Variants in TMEM108 observed in about 807,000 individuals in gnomAD.
TMEM108 encodes cancer/testis antigen 124.
Under a neutral mutation model 35.1 loss-of-function variants are expected in TMEM108, and 12 were observed. That is an observed-to-expected ratio of 0.34 (90% CI 0.22 to 0.55). The LOEUF (loss-of-function observed/expected upper bound fraction) is 0.55. Among genes scored for constraint, TMEM108 ranks in the 20% least tolerant of loss-of-function variants. TMEM108 has a pLI of 0.89. For synonymous variants in TMEM108, 287 were observed against 308.6 expected (o/e 0.93, Z 0.73); for missense variants, 680 against 753.3 (o/e 0.90, Z 1.14).
At chr3:133,232,711 C>CT (rs1946171471) in intron 3 of TMEM108, among the ~76,000 whole-genome samples, 1 of 152,198 alleles carries the variant, frequency 6.6e-6, no homozygotes, top group Admixed American at 6.5e-5. Context: ...TAATTGTTTA[C>CT]TTTTGTTACA....
At chr3:133,201,947 C>T (rs1945672810) in intron 2 of TMEM108, among the ~76,000 whole-genome samples, 1 of 152,192 alleles carries the variant, frequency 6.6e-6, no homozygotes, top group Non-Finnish European at 1.5e-5. Context: ...TTTTCCACGT[C>T]CTCTCCAGCA....
At chr3:133,388,443 C>T in intron 4 of TMEM108, 1 of 985,430 alleles carries the variant, frequency 1.0e-6, no homozygotes, top group Non-Finnish European at 1.2e-6. Context: ...CCCTCCTTGC[C>T]CCTTTCCTCT....
At chr3:133,339,950 C>A in intron 3 of TMEM108, among the ~76,000 whole-genome samples, 1 of 151,460 alleles carries the variant, frequency 6.6e-6, no homozygotes, top group East Asian at 1.9e-4. Context: ...ACAGTGAAAG[C>A]AGTACTAAGA....
At chr3:133,247,532 C>T (rs1476575210) in intron 3 of TMEM108, 2 of 151,978 alleles carry the variant, frequency 1.3e-5, no homozygotes, top group African/African-American at 4.8e-5. Context: ...GGAGCTTCCC[C>T]TCTTTCATTA....
chr3:133,214,394 A>G (rs1945876505), intron 2 of TMEM108, among the ~76,000 whole-genome samples: 2 of 152,098 alleles, frequency 1.3e-5, no homozygotes, highest in African/African-American at 2.4e-5. Context: ...CCCCGCCCCC[A>G]CTGCAAGGAA....
At chr3:133,186,131 A>G (rs1202982751) in intron 2 of TMEM108, among the ~76,000 whole-genome samples, 1 of 152,176 alleles carries the variant, frequency 6.6e-6, no homozygotes, top group African/African-American at 2.4e-5. Flanking sequence ...CGTTATTTCC[A>G]GGCTGGGTGA....
intron 3 of TMEM108, among the ~76,000 whole-genome samples, chr3:133,352,226 T>A (rs2072024608): frequency 6.6e-6 from 1 of 151,944 alleles, no homozygotes; most frequent in Non-Finnish European, 1.5e-5. Context: ...TGATAGGGAG[T>A]CATAATTCTG....
In TMEM108 at chr3:133,038,393, T is replaced by G. The variant is rs1040620190; in HGVS notation, c.-208T>G. 2 of 152,302 alleles carry G rather than the reference T, an allele frequency of 1.3e-5. No homozygotes were observed. Among genetic ancestry groups the G allele is most frequent in the East Asian group, 3.9e-4 (2 of 5,144 alleles). The allele number at this position is 152,302 out of a possible 1,614,324, so 9.4% of individuals were successfully genotyped here. A position where few individuals can be genotyped will look rare whatever the true frequency, so the allele number is the denominator to read the frequency against. On this transcript the variant is annotated 5_prime_UTR_variant, in exon 1 of 6. Coordinates refer to ENST00000321871, the MANE Select transcript of TMEM108 (RefSeq NM_023943.4). ...AGAGCGCGTGCGCGAGCGGTGGGGC[T>G]TTCTCCTGAGCCGTCGGAGGGAGCC... is the stretch of plus-strand genomic sequence containing the variant.
chr3:133,128,763 C>G (rs1250794068), intron 2 of TMEM108, among the ~76,000 whole-genome samples: 1 of 152,186 alleles, frequency 6.6e-6, no homozygotes, highest in Middle Eastern at 3.2e-3. Context: ...TTCCTAAGAT[C>G]CCACAGCAAG....
chr3:133,265,278 G>A (rs958647762), intron 3 of TMEM108, among the ~76,000 whole-genome samples: 1 of 152,078 alleles, frequency 6.6e-6, no homozygotes, highest in Non-Finnish European at 1.5e-5. Flanking sequence ...CTAACATTTT[G>A]TATGTCTTTG....
chr3:133,298,961 A>G (rs1367561032), intron 3 of TMEM108, among the ~76,000 whole-genome samples: 1 of 152,212 alleles, frequency 6.6e-6, no homozygotes, highest in Non-Finnish European at 1.5e-5. Flanking sequence ...TGCCTGCCAC[A>G]CTTGCTGTTT....
chr3:133,167,866 C>G (rs1197847025), intron 2 of TMEM108, among the ~76,000 whole-genome samples: 1 of 152,156 alleles, frequency 6.6e-6, no homozygotes. Context: ...CTGGGCTCCT[C>G]AAGTGTGGCC....
intron 4 of TMEM108, chr3:133,389,811 C>T (rs781348494): frequency 1.1e-5 from 2 of 176,986 alleles, no homozygotes; most frequent in East Asian, 1.6e-4. Flanking sequence ...GGGATCCTAA[C>T]AGTACTGACT....
chr3:133,366,270 A>G (rs16840271), intron 3 of TMEM108, among the ~76,000 whole-genome samples: 47,897 of 152,150 alleles, frequency 0.31, 8,081 homozygotes, highest in East Asian at 0.47. Flanking sequence ...ACCAGTATGC[A>G]TCTTATTGCC....
At chr3:133,170,653 C>T (rs1272067289) in intron 2 of TMEM108, among the ~76,000 whole-genome samples, 1 of 151,288 alleles carries the variant, frequency 6.6e-6, no homozygotes, top group Non-Finnish European at 1.5e-5. Flanking sequence ...AAGGAATGGT[C>T]AAAATATTAA....
chr3:133,392,454 C>T (rs762692592), intron 5 of TMEM108, among the ~76,000 whole-genome samples: 1 of 152,138 alleles, frequency 6.6e-6, no homozygotes, highest in African/African-American at 2.4e-5. Context: ...TGAGCCACTG[C>T]CCCCAGTCAC....
At chr3:133,040,209 T>TC (rs200538644) in intron 1 of TMEM108, among the ~76,000 whole-genome samples, 1 of 144,868 alleles carries the variant, frequency 6.9e-6, no homozygotes, top group African/African-American at 2.6e-5. Flanking sequence ...TTTGTTTGTT[T>TC]TTTTTTTTTT....
In TMEM108 at chr3:133,211,472, T is replaced by C. The variant is rs1945833053; in HGVS notation, c.-46-17794T>C. 2.6e-5 allele frequency among the ~76,000 whole-genome samples: 4 copies of C among 152,214 alleles called. No individual in the cohort carries two copies. The South Asian group carries it at 8.3e-4, about 32-fold the overall frequency. On this transcript the variant is annotated intron_variant, in intron 2 of 5. Coordinates refer to ENST00000321871, the MANE Select transcript of TMEM108 (RefSeq NM_023943.4). The stretch of plus-strand genomic sequence containing the variant: ...GTCAAAATGATAGAACATGCTCCTT[T>C]AGTATTTGGCATCTCTACAATATCA...
intron 3 of TMEM108, among the ~76,000 whole-genome samples, chr3:133,230,839 C>T (rs1017689928): frequency 2.6e-5 from 4 of 152,168 alleles, no homozygotes; most frequent in East Asian, 1.9e-4. Context: ...TATCCTATGA[C>T]GAGGTCCATC....
Sources: allele counts gnomAD v4.1 joint callset (sites outside exome capture counted in the v4.1 genomes callset), GRCh38; gene constraint gnomAD v4.1.1; transcripts MANE v1.5; gene names NCBI Gene and HGNC (gene_info 2026-07-23, HGNC 2026-07-21).